Variants in GABRG3 observed in about 807,000 individuals in gnomAD.
GABRG3 encodes the protein gamma-aminobutyric acid type A receptor subunit gamma3.
In GABRG3, 25 loss-of-function variants were observed where a neutral mutation model predicts 48.8. The ratio of observed to expected loss-of-function variants is 0.51; its 90% CI spans 0.37 to 0.72. GABRG3 has a LOEUF of 0.72. Among genes scored for constraint, GABRG3 ranks in the 30% least tolerant of loss-of-function variants. The probability of loss-of-function intolerance (pLI) is 0.00; values close to 1 mark genes in which losing one functional copy is unlikely to be tolerated. For synonymous variants in GABRG3, 227 were observed against 217.6 expected (o/e 1.04, Z -0.38); for missense variants, 394 against 577.9 (o/e 0.68, Z 3.26).
intron 5 of GABRG3, among the ~76,000 whole-genome samples, chr15:27,454,223 T>G (rs1176363962): frequency 6.6e-6 from 1 of 152,234 alleles, no homozygotes; most frequent in East Asian, 1.9e-4. Flanking sequence ...TATACACCAT[T>G]TCCTTGAACA....
rs1891571732 is a variant in GABRG3, at chr15:27,537,386, A to T, written c.*4505A>T. The T allele has an allele frequency of 6.6e-6, 1 of 151,856 alleles. No homozygotes were observed. Among genetic ancestry groups the T allele is most frequent in the African/African-American group, 2.4e-5 (1 of 41,336 alleles). 9.4% of individuals were successfully genotyped at this position (151,856 alleles called of 1,614,324 possible). On this transcript the variant is annotated 3_prime_UTR_variant, in exon 10 of 10. Coordinates refer to ENST00000615808, the MANE Select transcript of GABRG3 (RefSeq NM_033223.5). ...TTGAGAAAGTGTGTAATCTGTACCT[A>T]TTTTTTTTCTCAAATTGGCCTGGAG...
In GABRG3 at chr15:27,527,510, G is replaced by T. The variant is rs751413776; in HGVS notation, c.943G>T (p.Ala315Ser). The change falls in exon 8 of 10, where the codon GCC becomes TCC. Residue 315 changes from alanine (A) to serine (S), a missense_variant. Around this residue, in one of 3 missense-constraint regions of GABRG3, gnomAD observed 50 missense variants for 112.5 expected, o/e 0.44. Coordinates refer to ENST00000615808, the MANE Select transcript of GABRG3 (RefSeq NM_033223.5). ...KSLPRVSYVT[A>S]MDLFVTVCFL... ...CTTGCCACGCGTGTCCTACGTGACC[G>T]CCATGGACCTTTTTGTGACCGTGTG... 2.9e-5 allele frequency: 46 copies of T among 1,613,934 alleles called. 2 individuals carry two copies. In the South Asian group the frequency reaches 4.8e-4, roughly 17 times the overall value.
intron 3 of GABRG3, among the ~76,000 whole-genome samples, chr15:27,104,399 C>T (rs982930848): frequency 4.6e-5 from 7 of 152,172 alleles, no homozygotes; most frequent in African/African-American, 4.8e-5. Flanking sequence ...AATGTAGATG[C>T]TCCCTATCCA....
chr15:27,308,117 C>A lies in GABRG3; in HGVS notation c.271-18692C>A, dbSNP rs1408634103. ...ATATAAACATATATGTTTATACATCCAAACATATATAAACATATATGTTTA... is the reference window on the plus strand; with the variant it reads ...ATATAAACATATATGTTTATACATCAAAACATATATAAACATATATGTTTA... On this transcript the variant is annotated intron_variant, in intron 3 of 9. Transcript: ENST00000615808. Among the ~76,000 whole-genome samples, 39 of 124,184 alleles carry A rather than the reference C, an allele frequency of 3.1e-4. 2 individuals carry two copies. Among genetic ancestry groups the A allele is most frequent in the African/African-American group, 1.2e-3 (37 of 31,722 alleles). The allele number at this position is 124,184 out of a possible 152,430, so 81.5% of individuals were successfully genotyped here.
At chr15:27,261,951 C>T (rs1243964897) in intron 3 of GABRG3, among the ~76,000 whole-genome samples, 1 of 152,200 alleles carries the variant, frequency 6.6e-6, no homozygotes, top group African/African-American at 2.4e-5. Context: ...CCCAAAACCT[C>T]TTCACTAAAT....
intron 3 of GABRG3, among the ~76,000 whole-genome samples, chr15:27,265,882 G>GTTGTTTTTTTTTTTT (rs1890903413): frequency 7.8e-6 from 1 of 127,598 alleles, no homozygotes; most frequent in African/African-American, 3.4e-5. Flanking sequence ...TTTTCTCCTG[G>GTTGTTTTTTTTTTTT]TTTTTTTTTT....
chr15:27,074,610 C>T (rs1389487334), intron 3 of GABRG3, among the ~76,000 whole-genome samples: 1 of 151,898 alleles, frequency 6.6e-6, no homozygotes, highest in Non-Finnish European at 1.5e-5. Flanking sequence ...TATCAAGAAC[C>T]TACTCTGTGT....
At chr15:27,408,462 G>A (rs1595735066) in intron 5 of GABRG3, among the ~76,000 whole-genome samples, 4 of 152,160 alleles carry the variant, frequency 2.6e-5, no homozygotes, top group Non-Finnish European at 5.9e-5. Context: ...GGAGAGGCAG[G>A]AATGGCTGCT....
At chr15:27,191,058 A>G (rs575457079) in intron 3 of GABRG3, among the ~76,000 whole-genome samples, 1 of 152,202 alleles carries the variant, frequency 6.6e-6, no homozygotes, top group African/African-American at 2.4e-5. Context: ...CTTAATCCTG[A>G]GTTCTAGTTT....
chr15:27,228,956 A>G (rs1469268376), intron 3 of GABRG3, among the ~76,000 whole-genome samples: 1 of 152,120 alleles, frequency 6.6e-6, no homozygotes, highest in Non-Finnish European at 1.5e-5. Context: ...TATAGATGGT[A>G]GATATTAGAC....
chr15:27,152,376 A>G (rs1343229536), intron 3 of GABRG3, among the ~76,000 whole-genome samples: 1 of 152,138 alleles, frequency 6.6e-6, no homozygotes, highest in African/African-American at 2.4e-5. Flanking sequence ...GGTTTTGTTT[A>G]CCATAGTTAT....
intron 5 of GABRG3, among the ~76,000 whole-genome samples, chr15:27,412,381 TTC>T (rs1336492064): frequency 6.6e-6 from 1 of 152,182 alleles, no homozygotes; most frequent in African/African-American, 2.4e-5. Flanking sequence ...CACTAATTTG[TTC>T]TCTGTTTCTA....
rs28403020 is a variant in GABRG3, at chr15:27,236,777, C to A, written c.271-90032C>A. On this transcript the variant is annotated intron_variant, in intron 3 of 9. Transcript: ENST00000615808. This position sits in a 1 kb window ranked among gnomAD's most constrained non-coding sequence, Gnocchi z 4.4. ...CTATCCTCGGATCATGCGAACACTG[C>A]CATTTTTTTAACATGGGTCCCATGA... Among the ~76,000 whole-genome samples, 1,381 of 152,278 alleles carry A rather than the reference C, an allele frequency of 9.1e-3. 29 individuals are homozygous for A. Among genetic ancestry groups the A allele is most frequent in the African/African-American group, 0.032 (1,314 of 41,560 alleles).
intron 3 of GABRG3, among the ~76,000 whole-genome samples, chr15:27,110,488 C>G (rs1897528868): frequency 1.3e-5 from 2 of 151,742 alleles, no homozygotes; most frequent in African/African-American, 4.8e-5. Flanking sequence ...TTTTATGTAG[C>G]TCTGAGTTTC....
chr15:27,438,120 C>T (rs184937640), intron 5 of GABRG3, among the ~76,000 whole-genome samples: 164 of 152,236 alleles, frequency 1.1e-3, no homozygotes, highest in Non-Finnish European at 1.9e-3. Flanking sequence ...CTCCAGGGAT[C>T]CAAGATGGGC....
chr15:27,013,538 A>AT lies in GABRG3; in HGVS notation c.203-13210dup, dbSNP rs558786347. On this transcript the variant is annotated intron_variant, in intron 2 of 9. Transcript: ENST00000615808. ...AGGCTTTTGATCCATTTTGAGTTGAATTTTTTATATGATATATAGTAAGAG... is the reference window on the plus strand; with the variant it reads ...AGGCTTTTGATCCATTTTGAGTTGAATTTTTTTATATGATATATAGTAAGAG... 2.6e-3 allele frequency among the ~76,000 whole-genome samples: 390 copies of AT among 152,076 alleles called. 5 individuals carry two copies. Among genetic ancestry groups the AT allele is most frequent in the African/African-American group, 8.8e-3 (367 of 41,520 alleles).
intron 3 of GABRG3, among the ~76,000 whole-genome samples, chr15:27,256,190 C>G (rs1890606127): frequency 4.6e-5 from 7 of 152,040 alleles, no homozygotes; most frequent in Admixed American, 4.6e-4. Context: ...TGCCTGTAAT[C>G]CCAGCACTTT....
chr15:26,972,196 C>T (rs1281468710), intron 1 of GABRG3, among the ~76,000 whole-genome samples: 1 of 152,108 alleles, frequency 6.6e-6, no homozygotes, highest in Non-Finnish European at 1.5e-5. Context: ...GAGGAACACA[C>T]GCACTCCCAC....
At chr15:27,315,033 A>C (rs1893163691) in intron 3 of GABRG3, among the ~76,000 whole-genome samples, 1 of 152,234 alleles carries the variant, frequency 6.6e-6, no homozygotes, top group South Asian at 2.1e-4. Flanking sequence ...CATACGCTTA[A>C]AATTTGTTAA....
Sources: gnomAD v4.1 joint callset for allele counts (sites outside exome capture counted in the v4.1 genomes callset) on GRCh38, gnomAD v4.1.1 for gene constraint, gnomAD v4.1.1 regional missense constraint, Gnocchi (gnomAD v3.1) non-coding constraint, MANE v1.5 for transcripts, NCBI Gene and HGNC (gene_info 2026-07-23, HGNC 2026-07-21) for gene names.